Variants in SAC3D1 observed in about 807,000 individuals in gnomAD.
SAC3D1 encodes SAC3 domain-containing protein 1.
A neutral mutation model predicts 12.7 loss-of-function variants in SAC3D1; 10 were observed. That is an observed-to-expected ratio of 0.79 (90% confidence interval 0.49 to 1.34). The LOEUF is 1.34. Ranked by LOEUF, SAC3D1 falls within the 40% of genes most tolerant of loss-of-function variation. The probability of loss-of-function intolerance (pLI) is 0.00; values close to 1 mark genes in which losing one functional copy is unlikely to be tolerated. For synonymous variants in SAC3D1, 241 were observed against 250.8 expected (o/e 0.96, Z 0.37); for missense variants, 482 against 531.1 (o/e 0.91, Z 0.91).
At chr11:65,043,356 G>A (rs1946644980) in intron 1 of SAC3D1, among the ~76,000 whole-genome samples, 1 of 151,704 alleles carries the variant, frequency 6.6e-6, no homozygotes, top group Middle Eastern at 3.4e-3. Context: ...CAAACTCCTG[G>A]GCTAAAGTGA....
In SAC3D1 at chr11:65,044,285, C is replaced by A. The variant is rs761922927; in HGVS notation, c.635C>A (p.Pro212His). ...QLPAALRACPPLRKALAVDAA... is the reference protein window; with the variant it reads ...QLPAALRACPHLRKALAVDAA... ...CCTGCTGCCCTGCGCGCCTGCCCGC[C>A]CCTCCGCAAGGCCTTGGCGGTAGAT... Residue 212 changes from proline to histidine, a missense_variant, in exon 2 of 2, where the codon CCC becomes CAC. Pro to His is a moderately conservative substitution (Grantham distance 77, BLOSUM62 -2). Transcript: ENST00000652489. This position sits in a 1 kb window ranked among gnomAD's most constrained non-coding sequence, Gnocchi z 4.0. 4 of 1,613,310 alleles carry A rather than the reference C, an allele frequency of 2.5e-6. No homozygotes were observed. The highest frequency in any genetic ancestry group is 3.4e-6 in the Non-Finnish European group (4 of 1,180,026).
upstream of SAC3D1, chr11:65,041,085 G>A (rs1301348176): frequency 1.7e-6 from 1 of 603,492 alleles, no homozygotes; most frequent in Non-Finnish European, 2.9e-6. Flanking sequence ...TGCATCTCGG[G>A]AGGCCAACTC....
At chr11:65,042,993 A>G (rs1252016788) in intron 1 of SAC3D1, 4 of 413,148 alleles carry the variant, frequency 9.7e-6, no homozygotes, top group Non-Finnish European at 1.9e-5. Context: ...ATGCAATCAC[A>G]CCCGGCTAAC....
At chr11:65,043,019 T>C (rs943965377) in intron 1 of SAC3D1, 6 of 435,798 alleles carry the variant, frequency 1.4e-5, no homozygotes, top group African/African-American at 1.2e-4. Context: ...AAAATTTTTT[T>C]TGTAGAGATG....
Position 65,041,235 on chromosome 11 carries a change from C to G in SAC3D1, c.-58C>G, listed in dbSNP as rs1038928095. The stretch of plus-strand genomic sequence containing the variant: ...CCCCCCGGCCGGCCTCGCGTGCCTT[C>G]CCGCAGCACTGCCGTCCCCGGGATG... On this transcript the variant is annotated 5_prime_UTR_variant, in exon 1 of 2. Transcript: ENST00000652489. 1.2e-5 allele frequency: 18 copies of G among 1,460,064 alleles called. No individual in the cohort carries two copies. The highest frequency in any genetic ancestry group is 1.2e-4 in the East Asian group (4 of 34,400). The allele number at this position is 1,460,064 out of a possible 1,614,324, so 90.4% of individuals were successfully genotyped here.
At position 65,044,191 on chromosome 11, in the gene SAC3D1, C is replaced by T; in HGVS notation, c.575-34C>T. On this transcript the variant is annotated intron_variant, in intron 1 of 1. Transcript: ENST00000652489. This position sits in a 1 kb window ranked among gnomAD's most constrained non-coding sequence, Gnocchi z 4.0. Reference sequence around the variant, plus strand: ...GAGATGAGCCTGATCCTGTAAGGACCAGGCGTCCTCATTCTGGCTTCCCGC... The same window carrying T: ...GAGATGAGCCTGATCCTGTAAGGACTAGGCGTCCTCATTCTGGCTTCCCGC... 1 of 1,602,992 alleles carries T rather than the reference C, an allele frequency of 6.2e-7. No homozygotes were observed.
rs34998502 is a variant in SAC3D1, at chr11:65,041,209, ACC to A, written c.-79_-78del. On this transcript the variant is annotated 5_prime_UTR_variant, in exon 1 of 2. Coordinates refer to ENST00000652489, the MANE Select transcript of SAC3D1 (RefSeq NM_013299.4). ...GCCCCGCCCCGACCCGCCGCTCCCC[ACC>A]CCCCGGCCGGCCTCGCGTGCCTTCC... The A allele has an allele frequency of 1.5e-6, 2 of 1,321,914 alleles. No individual in the cohort carries two copies. Among genetic ancestry groups the A allele is most frequent in the South Asian group, 1.4e-5 (1 of 71,426 alleles). 81.9% of individuals were successfully genotyped at this position (1,321,914 alleles called of 1,614,324 possible). A position where few individuals can be genotyped will look rare whatever the true frequency, so the allele number is the denominator to read the frequency against.
In SAC3D1 at chr11:65,043,019, T is replaced by A. The variant is rs943965377; in HGVS notation, c.574+1153T>A. 4 of 435,916 alleles carry A rather than the reference T, an allele frequency of 9.2e-6. No homozygotes were observed. In the Admixed American group the frequency reaches 1.0e-4, roughly 11 times the overall value. 27.0% of individuals were successfully genotyped at this position (435,916 alleles called of 1,614,324 possible). Reference sequence around the variant, plus strand: ...CCCGGCTAACTTAAAAAAATTTTTTTTGTAGAGATGGGATCTCGCATGTTG... The same window carrying A: ...CCCGGCTAACTTAAAAAAATTTTTTATGTAGAGATGGGATCTCGCATGTTG... On this transcript the variant is annotated intron_variant, in intron 1 of 1. Transcript: ENST00000652489.
upstream of SAC3D1, chr11:65,040,942 T>C (rs1268889054): frequency 5.9e-6 from 2 of 340,544 alleles, no homozygotes; most frequent in African/African-American, 4.5e-5. Flanking sequence ...CACCGGTGTA[T>C]CATGGGAGCG....
At chr11:65,043,976 G>A (rs1946661364) in intron 1 of SAC3D1, among the ~76,000 whole-genome samples, 1 of 152,180 alleles carries the variant, frequency 6.6e-6, no homozygotes, top group Non-Finnish European at 1.5e-5. Context: ...TCCCAAATCC[G>A]TAAACCCTGC....
chr11:65,044,123 G>T lies in SAC3D1; in HGVS notation c.575-102G>T. The T allele has an allele frequency of 7.2e-7, 1 of 1,387,702 alleles. No homozygotes were observed. The highest frequency in any genetic ancestry group is 9.9e-7 in the Non-Finnish European group (1 of 1,008,660). 86.0% of individuals were successfully genotyped at this position (1,387,702 alleles called of 1,614,324 possible). ...GGGAAGTTGGGCTAGGCCTAGAGAA[G>T]GGGCGTGGTCGAGGAGAGAGGAAGG... On this transcript the variant is annotated intron_variant, in intron 1 of 1. Coordinates refer to ENST00000652489, the MANE Select transcript of SAC3D1 (RefSeq NM_013299.4). This position sits in a 1 kb window ranked among gnomAD's most constrained non-coding sequence, Gnocchi z 4.0.
Position 65,041,326 on chromosome 11 carries a change from CCGGA to C in SAC3D1, c.36_39del (p.Asp13CysfsTer38), listed in dbSNP as rs758231576. The C allele has an allele frequency of 1.1e-5, 16 of 1,510,476 alleles. No individual in the cohort carries two copies. Among genetic ancestry groups the C allele is most frequent in the African/African-American group, 1.4e-5 (1 of 69,366 alleles). The allele number at this position is 1,510,476 out of a possible 1,614,324, so 93.6% of individuals were successfully genotyped here. A position where few individuals can be genotyped will look rare whatever the true frequency, so the allele number is the denominator to read the frequency against. On this transcript the variant is annotated frameshift_variant, in exon 1 of 2. Coordinates refer to ENST00000652489, the MANE Select transcript of SAC3D1 (RefSeq NM_013299.4). LOFTEE classifies it high-confidence loss of function. ...CTGCGAGCTGCCCGTGGGCACCTGC[CCGGA>C]CATGTGCCCGGCCGCCGAGCGCGCC...
rs539863899 is a variant in SAC3D1, at chr11:65,042,259, A to C, written c.574+393A>C. On this transcript the variant is annotated intron_variant, in intron 1 of 1. Coordinates refer to ENST00000652489, the MANE Select transcript of SAC3D1 (RefSeq NM_013299.4). ...ATCACAGGCGCGCGCCACCACACCC[A>C]GCTAATTTTTGTATTTAGTAGAGAC... Among the ~76,000 whole-genome samples, 52 of 151,842 alleles carry C rather than the reference A, an allele frequency of 3.4e-4. 1 individual carries two copies. In the South Asian group the frequency reaches 0.011, roughly 32 times the overall value.
Position 65,041,314 on chromosome 11 carries a change from G to T in SAC3D1, c.22G>T (p.Val8Leu). Residue 8 changes from valine to leucine, a missense_variant, in exon 1 of 2, where the codon GTG becomes TTG. Transcript: ENST00000652489. ...CCTCATGCCCGGCTGCGAGCTGCCCGTGGGCACCTGCCCGGACATGTGCCC... is the reference window on the plus strand; with the variant it reads ...CCTCATGCCCGGCTGCGAGCTGCCCTTGGGCACCTGCCCGGACATGTGCCC... The part of the protein sequence containing the change: MPGCELP[V>L]GTCPDMCPAA... The T allele has an allele frequency of 6.6e-7, 1 of 1,508,200 alleles. No homozygotes were observed. The highest frequency in any genetic ancestry group is 8.8e-7 in the Non-Finnish European group (1 of 1,135,854). The allele number at this position is 1,508,200 out of a possible 1,614,324, so 93.4% of individuals were successfully genotyped here. A position where few individuals can be genotyped will look rare whatever the true frequency, so the allele number is the denominator to read the frequency against.
chr11:65,041,495 A>T lies in SAC3D1; in HGVS notation c.203A>T (p.Gln68Leu). 1.4e-6 allele frequency: 2 copies of T among 1,468,302 alleles called. No homozygotes were observed. Among genetic ancestry groups the T allele is most frequent in the South Asian group, 2.6e-5 (2 of 76,322 alleles). The allele number at this position is 1,468,302 out of a possible 1,614,324, so 91.0% of individuals were successfully genotyped here. Residue 68 changes from glutamine to leucine, a missense_variant, in exon 1 of 2, where the codon CAG becomes CTG. By Grantham distance (113) the Gln-to-Leu change is moderately radical (BLOSUM62 -2). This residue lies in a region of SAC3D1 where 197 missense variants were observed against 183.2 expected (regional missense o/e 1.08). Transcript: ENST00000652489. The stretch of plus-strand genomic sequence containing the variant: ...GGCAAGCCCCGGCCCCCGCCCAGCC[A>T]GTTGCGTCCGCCCTCCGTGCTGCTG... ...AAGKPRPPPS[Q>L]LRPPSVLLAT...
chr11:65,044,156 G>T lies in SAC3D1; in HGVS notation c.575-69G>T. 6.5e-7 allele frequency: 1 copy of T among 1,544,600 alleles called. No individual in the cohort carries two copies. Among genetic ancestry groups the T allele is most frequent in the Non-Finnish European group, 8.8e-7 (1 of 1,134,506 alleles). ...GTCGAGGAGAGAGGAAGGACAGGGT[G>T]TTGGGAGGGGAGATGAGCCTGATCC... On this transcript the variant is annotated intron_variant, in intron 1 of 1. Transcript: ENST00000652489. This position sits in a 1 kb window ranked among gnomAD's most constrained non-coding sequence, Gnocchi z 4.0.
chr11:65,044,177 G>A lies in SAC3D1; in HGVS notation c.575-48G>A. 12 of 1,588,862 alleles carry A rather than the reference G, an allele frequency of 7.6e-6. No individual in the cohort carries two copies. Among genetic ancestry groups the A allele is most frequent in the Non-Finnish European group, 1.0e-5 (12 of 1,166,378 alleles). Reference sequence around the variant, plus strand: ...GGGTGTTGGGAGGGGAGATGAGCCTGATCCTGTAAGGACCAGGCGTCCTCA... The same window carrying A: ...GGGTGTTGGGAGGGGAGATGAGCCTAATCCTGTAAGGACCAGGCGTCCTCA... On this transcript the variant is annotated intron_variant, in intron 1 of 1. Coordinates refer to ENST00000652489, the MANE Select transcript of SAC3D1 (RefSeq NM_013299.4). The surrounding 1 kb of genome is among the most constrained non-coding windows in gnomAD (Gnocchi z 4.0).
rs61736624 is a variant in SAC3D1, at chr11:65,044,683, G to A, written c.1033G>A (p.Glu345Lys). The A allele has an allele frequency of 2.2e-3, 3,608 of 1,613,640 alleles. 19 individuals carry two copies. Among genetic ancestry groups the A allele is most frequent in the South Asian group, 6.5e-3 (594 of 91,086 alleles). ...GRTLEEVVMA[E>K]EEDEGTDRPG... ...TACCCTGGAGGAGGTGGTCATGGCAGAGGAGGAAGATGAGGGCACGGACAG... is the reference window on the plus strand; with the variant it reads ...TACCCTGGAGGAGGTGGTCATGGCAAAGGAGGAAGATGAGGGCACGGACAG... The change falls in exon 2 of 2, where the codon GAG becomes AAG. Residue 345 changes from glutamate to lysine, a missense_variant. Around this residue, in one of 3 missense-constraint regions of SAC3D1, gnomAD observed 225 missense variants for 241.1 expected, o/e 0.93. Coordinates refer to ENST00000652489, the MANE Select transcript of SAC3D1 (RefSeq NM_013299.4). The surrounding 1 kb of genome is among the most constrained non-coding windows in gnomAD (Gnocchi z 4.0).
intron 1 of SAC3D1, 150 bp downstream of exon 1, chr11:65,042,016 T>G: frequency 1.9e-6 from 2 of 1,048,894 alleles, no homozygotes; most frequent in Non-Finnish European, 1.2e-6. Flanking sequence ...ACGTGGGACC[T>G]CGGGCCCATC....
Sources: gnomAD v4.1 joint callset for allele counts (sites outside exome capture counted in the v4.1 genomes callset) on GRCh38, gnomAD v4.1.1 for gene constraint, gnomAD v4.1.1 regional missense constraint, Gnocchi (gnomAD v3.1) non-coding constraint, MANE v1.5 for transcripts, NCBI Gene and HGNC (gene_info 2026-07-23, HGNC 2026-07-21) for gene names.